Variants in LRP2 observed in about 807,000 individuals in gnomAD.
The protein encoded by LRP2 is LDL receptor related protein 2, also known as low-density lipoprotein receptor-related protein 2.
A neutral mutation model predicts 531.0 loss-of-function variants in LRP2; 172 were observed. That is an observed-to-expected ratio of 0.32 (90% confidence interval 0.29 to 0.37). The LOEUF (loss-of-function observed/expected upper bound fraction) is 0.37, where lower values mean the gene tolerates loss of function less well. Among genes scored for constraint, LRP2 ranks in the 10% least tolerant of loss-of-function variants. The pLI, the probability that LRP2 is intolerant of heterozygous loss-of-function variation, is 1.00. For missense variants in LRP2, 5,167 were observed against 5,868.3 expected, an observed-to-expected ratio of 0.88 and a Z score of 3.90; for synonymous variants, 1,992 against 2,027.6, an observed-to-expected ratio of 0.98 and a Z score of 0.47.
intron 70 of LRP2, 26 bp downstream of exon 70, chr2:169,145,721 C>T: frequency 6.2e-7 from 1 of 1,608,012 alleles, no homozygotes; most frequent in Non-Finnish European, 8.5e-7. Context: ...TAATGAGGAG[C>T]ATCTTATACC....
chr2:169,265,346 C>A (rs756641940), intron 16 of LRP2, among the ~76,000 whole-genome samples: 1 of 152,086 alleles, frequency 6.6e-6, no homozygotes, highest in Non-Finnish European at 1.5e-5. Context: ...CACCAGCTGA[C>A]AAGGCCTATC....
chr2:169,137,682 C>A (rs929134739), intron 75 of LRP2, among the ~76,000 whole-genome samples, 189 bp from the exon 76 acceptor site: 7 of 133,880 alleles, frequency 5.2e-5, no homozygotes, highest in Non-Finnish European at 1.1e-4. Flanking sequence ...CAGCAAAACA[C>A]AAGACCTCCA....
At chr2:169,319,816 G>C (rs1377844659) in intron 2 of LRP2, among the ~76,000 whole-genome samples, 1 of 152,122 alleles carries the variant, frequency 6.6e-6, no homozygotes, top group African/African-American at 2.4e-5. Context: ...TGAGCTCCTG[G>C]GTGATCCATT....
Position 169,182,301 on chromosome 2 carries a change from A to T in LRP2, c.9864T>A (p.Asp3288Glu). ...DWVSRKLYWLDARLDGLFVSD... is the reference protein window; with the variant it reads ...DWVSRKLYWLEARLDGLFVSD... ...AGACAAAGAGGCCATCCAGGCGGGC[A>T]TCCAACCAGTAGAGCTTTCTAAAAT... Residue 3288 changes from aspartate to glutamate, a missense_variant, in exon 51 of 79, where the codon GAT (aspartate) becomes GAA (glutamate). By Grantham distance (45) the Asp-to-Glu change is conservative. This residue lies in a region of LRP2 where 1,129 missense variants were observed against 1,362.7 expected (regional missense o/e 0.83). Transcript: ENST00000649046. 1 of 1,613,956 alleles carries T rather than the reference A, an allele frequency of 6.2e-7. No homozygotes were observed. The highest frequency in any genetic ancestry group is 1.1e-5 in the South Asian group (1 of 91,076).
At chr2:169,233,839 G>C (rs1236927995) in intron 29 of LRP2, among the ~76,000 whole-genome samples, 1 of 152,126 alleles carries the variant, frequency 6.6e-6, no homozygotes, top group Non-Finnish European at 1.5e-5. Flanking sequence ...ATTACACTGG[G>C]CATCTATTTT....
chr2:169,295,530 C>T (rs1297444561), intron 4 of LRP2, among the ~76,000 whole-genome samples: 1 of 152,190 alleles, frequency 6.6e-6, no homozygotes, highest in Non-Finnish European at 1.5e-5. Context: ...CTTGGACCAC[C>T]TGTCTCTCAT....
chr2:169,288,585 G>A (rs139147684), intron 9 of LRP2, among the ~76,000 whole-genome samples: 11 of 152,250 alleles, frequency 7.2e-5, no homozygotes, highest in African/African-American at 2.2e-4. Context: ...TTAGTTGTGG[G>A]ATCCTGGGGA....
intron 1 of LRP2, among the ~76,000 whole-genome samples, chr2:169,362,120 G>T (rs1454670139): frequency 6.6e-6 from 1 of 152,252 alleles, no homozygotes; most frequent in Admixed American, 6.5e-5. Context: ...GTTTGCTGCC[G>T]CTCAGTTCCT....
At chr2:169,356,225 G>C (rs1278017076) in intron 1 of LRP2, among the ~76,000 whole-genome samples, 1 of 151,808 alleles carries the variant, frequency 6.6e-6, no homozygotes, top group Admixed American at 6.6e-5. Flanking sequence ...TTCCTTTTTT[G>C]CCTCAGACAG....
chr2:169,226,396 T>C, intron 32 of LRP2, 26 bp downstream of exon 32: 2 of 1,588,448 alleles, frequency 1.3e-6, no homozygotes, highest in Non-Finnish European at 1.7e-6. Context: ...ATAAATTATA[T>C]ACTTTGAATG....
At position 169,344,991 on chromosome 2, in the gene LRP2, C is replaced by T. The variant is rs1042465777; in HGVS notation, c.79+17330G>A. ...ATCAAAAAAATAAATCAGAAAATAG[C>T]CTTTAATCTTAAGAGTACAATTTAC... On this transcript the variant is annotated intron_variant, in intron 1 of 78. Coordinates refer to ENST00000649046, the MANE Select transcript of LRP2 (RefSeq NM_004525.3). Among the ~76,000 whole-genome samples, 4 of 151,984 alleles carry T rather than the reference C, an allele frequency of 2.6e-5. No homozygotes were observed. The East Asian group carries it at 5.8e-4, about 22-fold the overall frequency.
intron 1 of LRP2, among the ~76,000 whole-genome samples, chr2:169,328,471 AAAAGAAAT>A (rs1164318594): frequency 8.7e-5 from 13 of 149,968 alleles, no homozygotes; most frequent in African/African-American, 3.2e-4. Context: ...AAAAGAAAAA[AAAAGAAAT>A]AAATAAATAA....
chr2:169,351,543 T>C (rs1685847385), intron 1 of LRP2, among the ~76,000 whole-genome samples: 3 of 152,160 alleles, frequency 2.0e-5, no homozygotes, highest in Non-Finnish European at 4.4e-5. Context: ...CAAATGATGA[T>C]GGTTGAGTTA....
chr2:169,173,210 G>C lies in LRP2; in HGVS notation c.11029C>G (p.Leu3677Val). The change falls in exon 57 of 79, where the codon CTC becomes GTC. Residue 3677 changes from leucine (L) to valine (V), a missense_variant. Coordinates refer to ENST00000649046, the MANE Select transcript of LRP2 (RefSeq NM_004525.3). ...CTGAATTCTGTGAAGTTGTCACAGA[G>C]ATGGGCAGAGCTCACTGAAAAGGGA... ...PIEECMSSAH[L>V]CDNFTEFSCK... 1 of 1,614,178 alleles carries C rather than the reference G, an allele frequency of 6.2e-7. No individual in the cohort carries two copies.
At chr2:169,199,581 T>C (rs1331563602) in intron 44 of LRP2, among the ~76,000 whole-genome samples, 1 of 152,138 alleles carries the variant, frequency 6.6e-6, no homozygotes, top group East Asian at 1.9e-4. Context: ...TGCTATTTTG[T>C]ACAAATAAAA....
In LRP2 at chr2:169,206,139, A is replaced by T. The variant is rs1243386547; in HGVS notation, c.7440T>A (p.Ile2480=). 6.2e-7 allele frequency: 1 copy of T among 1,614,196 alleles called. No homozygotes were observed. The highest frequency in any genetic ancestry group is 8.5e-7 in the Non-Finnish European group (1 of 1,180,032). The change falls in exon 40 of 79, where the codon ATT becomes ATA. Residue 2480 remains isoleucine (I), a synonymous_variant. Coordinates refer to ENST00000649046, the MANE Select transcript of LRP2 (RefSeq NM_004525.3). ...TCTGGTTGAGGTAGTCACTGTAATAAATTCTTCTAGTAATCCAGTCAAAGG... is the reference window on the plus strand; with the variant it reads ...TCTGGTTGAGGTAGTCACTGTAATATATTCTTCTAGTAATCCAGTCAAAGG... ...GIAFDWITRR[I]YYSDYLNQMI... is the part of the protein sequence containing the mutation.
intron 15 of LRP2, 49 bp downstream of exon 15, chr2:169,272,878 C>T: frequency 6.2e-7 from 1 of 1,612,404 alleles, no homozygotes; most frequent in Non-Finnish European, 8.5e-7. Flanking sequence ...GGTTTGGACA[C>T]ACATACACCT....
chr2:169,306,008 G>A (rs193074509), intron 4 of LRP2, among the ~76,000 whole-genome samples: 67 of 151,948 alleles, frequency 4.4e-4, no homozygotes, highest in East Asian at 3.9e-3. Context: ...ACTCTATCAC[G>A]TTCACACAAC....
At chr2:169,198,659 TCTA>T (rs1363427054) in intron 45 of LRP2, 124 bp downstream of exon 45, 12 of 1,111,054 alleles carry the variant, frequency 1.1e-5, no homozygotes, top group Non-Finnish European at 1.6e-5. Context: ...GCCTACCACC[TCTA>T]CTTAGAAGGT....
Sources: allele counts gnomAD v4.1 joint callset (sites outside exome capture counted in the v4.1 genomes callset), GRCh38; gene constraint gnomAD v4.1.1; regional missense constraint gnomAD v4.1.1; transcripts MANE v1.5; gene names NCBI Gene and HGNC (gene_info 2026-07-23, HGNC 2026-07-21).